Variants in KBTBD11 observed in about 807,000 individuals in gnomAD.
KBTBD11 encodes the protein kelch repeat and BTB domain-containing protein 11.
For synonymous variants in KBTBD11, 747 were observed against 499.0 expected (o/e 1.50, Z -6.63); for missense variants, 1,390 against 1,001.8 (o/e 1.39, Z -5.23).
In KBTBD11 at chr8:2,005,953, C is replaced by T. The variant is rs912193729; in HGVS notation, c.*2889C>T. Reference sequence around the variant, plus strand: ...GCTTGAGCCTTCCTCCTTTTCCTTCCGGTTTTATTCTTCCTCTTGGGAACA... The same window carrying T: ...GCTTGAGCCTTCCTCCTTTTCCTTCTGGTTTTATTCTTCCTCTTGGGAACA... On this transcript the variant is annotated 3_prime_UTR_variant, in exon 2 of 2. Transcript: ENST00000320248. The T allele has an allele frequency of 5.4e-5, 9 of 167,028 alleles. No homozygotes were observed. Among genetic ancestry groups the T allele is most frequent in the South Asian group, 2.1e-4 (1 of 4,832 alleles). 10.3% of individuals were successfully genotyped at this position (167,028 alleles called of 1,614,324 possible).
Position 2,001,756 on chromosome 8 carries a change from C to A in KBTBD11, c.564C>A (p.Leu188=). The A allele has an allele frequency of 7.6e-7, 1 of 1,315,844 alleles. No homozygotes were observed. Among genetic ancestry groups the A allele is most frequent in the East Asian group, 3.2e-5 (1 of 31,034 alleles). The allele number at this position is 1,315,844 out of a possible 1,614,324, so 81.5% of individuals were successfully genotyped here. A position where few individuals can be genotyped will look rare whatever the true frequency, so the allele number is the denominator to read the frequency against. The change falls in exon 2 of 2, where the codon CTC becomes CTA. Residue 188 remains leucine (L), a synonymous_variant. Transcript: ENST00000320248. ...GCCTGACGGCGCTGCGGCTGCTCCT[C>A]GCCGACGCCTACAGCGGGCGCATGG... is the stretch of plus-strand genomic sequence containing the variant. The part of the protein sequence containing the change: ...GVSLTALRLL[L]ADAYSGRMAG...
At chr8:1,994,583 G>T (rs1817061913) in intron 1 of KBTBD11, among the ~76,000 whole-genome samples, 1 of 152,204 alleles carries the variant, frequency 6.6e-6, no homozygotes, top group African/African-American at 2.4e-5. Context: ...TCACATAAAT[G>T]GCTAATCACA....
intron 1 of KBTBD11, among the ~76,000 whole-genome samples, chr8:1,985,341 C>G (rs754245981): frequency 3.8e-4 from 58 of 152,266 alleles, no homozygotes; most frequent in African/African-American, 1.4e-3. Flanking sequence ...GCCTGCCTGA[C>G]CTGGCCGACT....
Position 2,001,987 on chromosome 8 carries a change from G to A in KBTBD11, c.795G>A (p.Glu265=), listed in dbSNP as rs764620932. Residue 265 remains glutamate, a synonymous_variant, in exon 2 of 2, where the codon GAG becomes GAA. Coordinates refer to ENST00000320248, the MANE Select transcript of KBTBD11 (RefSeq NM_014867.3). ...AYCFMSDHYL[E]VLREPAVFGR... ...GCTTCATGAGCGACCACTATCTGGAGGTGCTGCGCGAGCCCGCCGTGTTCG... is the reference window on the plus strand; with the variant it reads ...GCTTCATGAGCGACCACTATCTGGAAGTGCTGCGCGAGCCCGCCGTGTTCG... The A allele has an allele frequency of 6.9e-7, 1 of 1,438,958 alleles. No individual in the cohort carries two copies. Among genetic ancestry groups the A allele is most frequent in the Admixed American group, 2.1e-5 (1 of 46,782 alleles). 89.1% of individuals were successfully genotyped at this position (1,438,958 alleles called of 1,614,324 possible). A position where few individuals can be genotyped will look rare whatever the true frequency, so the allele number is the denominator to read the frequency against.
chr8:1,997,523 C>A (rs1180993191), intron 1 of KBTBD11, among the ~76,000 whole-genome samples: 2 of 152,256 alleles, frequency 1.3e-5, no homozygotes, highest in Non-Finnish European at 2.9e-5. Flanking sequence ...TGCAGGGAGA[C>A]CCGCGGCAGG....
At chr8:1,995,191 G>C (rs1399386268) in intron 1 of KBTBD11, among the ~76,000 whole-genome samples, 1 of 151,902 alleles carries the variant, frequency 6.6e-6, no homozygotes, top group South Asian at 2.1e-4. Context: ...ACTCCACCGT[G>C]CTGTAGACAC....
At position 2,002,908 on chromosome 8, in the gene KBTBD11, C is replaced by T. The variant is rs1817448925; in HGVS notation, c.1716C>T (p.Arg572=). Residue 572 remains arginine, a synonymous_variant, in exon 2 of 2, where the codon CGC becomes CGT. Coordinates refer to ENST00000320248, the MANE Select transcript of KBTBD11 (RefSeq NM_014867.3). This position sits in a 1 kb window ranked among gnomAD's most constrained non-coding sequence, Gnocchi z 4.1. ...IYCVSRAGTW[R]FQPAREGEAG... is the part of the protein sequence containing the mutation. ...GCGTGAGCCGCGCGGGCACCTGGCG[C>T]TTCCAGCCTGCCCGGGAAGGCGAGG... 2.3e-6 allele frequency: 3 copies of T among 1,322,794 alleles called. No individual in the cohort carries two copies. The highest frequency in any genetic ancestry group is 4.1e-5 in the Admixed American group (1 of 24,568). 81.9% of individuals were successfully genotyped at this position (1,322,794 alleles called of 1,614,324 possible). A position where few individuals can be genotyped will look rare whatever the true frequency, so the allele number is the denominator to read the frequency against.
rs962958480 is a variant in KBTBD11, at chr8:2,001,666, G to A, written c.474G>A (p.Leu158=). The change falls in exon 2 of 2, where the codon CTG becomes CTA. Residue 158 remains leucine (L), a synonymous_variant. Coordinates refer to ENST00000320248, the MANE Select transcript of KBTBD11 (RefSeq NM_014867.3). ...GRRLRAHKAV[L]AARSDYFRAR... is the part of the protein sequence containing the mutation. Reference sequence around the variant, plus strand: ...GGCTGCGCGCGCACAAGGCGGTGCTGGCGGCGCGCAGCGACTACTTCCGCG... The same window carrying A: ...GGCTGCGCGCGCACAAGGCGGTGCTAGCGGCGCGCAGCGACTACTTCCGCG... 8.9e-6 allele frequency: 13 copies of A among 1,466,370 alleles called. No individual in the cohort carries two copies. In the African/African-American group the frequency reaches 1.6e-4, roughly 18 times the overall value. 90.8% of individuals were successfully genotyped at this position (1,466,370 alleles called of 1,614,324 possible). A position where few individuals can be genotyped will look rare whatever the true frequency, so the allele number is the denominator to read the frequency against.
intron 1 of KBTBD11, among the ~76,000 whole-genome samples, chr8:1,990,635 G>A (rs79661776): frequency 1.2e-4 from 6 of 49,870 alleles, no homozygotes; most frequent in Admixed American, 2.3e-4. Flanking sequence ...GTCCGGGTAG[G>A]TGCTGCCGGG....
rs560383777 is a variant in KBTBD11 at position 1,987,899 on chromosome 8, C to T, written c.-908-12386C>T. Among the ~76,000 whole-genome samples the T allele has an allele frequency of 8.3e-4, 126 of 152,138 alleles. 1 individual carries two copies. The highest frequency in any genetic ancestry group is 2.1e-3 in the South Asian group (10 of 4,802). On this transcript the variant is annotated intron_variant, in intron 1 of 1. Coordinates refer to ENST00000320248, the MANE Select transcript of KBTBD11 (RefSeq NM_014867.3). ...CCTCCCCCAGCTCCCCAGCCCCCGA[C>T]GGGCCCCGGTGTGTGATGTTCCCCG...
chr8:1,993,443 AT>A, intron 1 of KBTBD11, among the ~76,000 whole-genome samples: 1 of 148,526 alleles, frequency 6.7e-6, no homozygotes, highest in East Asian at 2.0e-4. Context: ...CCATCCATCC[AT>A]CTATCCATCC....
intron 1 of KBTBD11, chr8:1,974,667 T>C (rs1057392178): frequency 2.0e-6 from 2 of 984,988 alleles, no homozygotes; most frequent in Non-Finnish European, 2.4e-6. Flanking sequence ...CCCCGCCCCA[T>C]GTGCTGGGGA....
At chr8:1,992,712 T>A (rs182391266) in intron 1 of KBTBD11, among the ~76,000 whole-genome samples, 1 of 152,238 alleles carries the variant, frequency 6.6e-6, no homozygotes, top group Non-Finnish European at 1.5e-5. Context: ...CCACAAGTTG[T>A]TTTGATTATA....
At chr8:1,992,053 C>T (rs2129313171) in intron 1 of KBTBD11, among the ~76,000 whole-genome samples, 2 of 152,210 alleles carry the variant, frequency 1.3e-5, no homozygotes, top group Middle Eastern at 6.8e-3. Context: ...TCAAACCCAC[C>T]CTCCCTCTTC....
chr8:2,001,348 G>T lies in KBTBD11; in HGVS notation c.156G>T (p.Gln52His). 1 of 1,498,822 alleles carries T rather than the reference G, an allele frequency of 6.7e-7. No homozygotes were observed. The highest frequency in any genetic ancestry group is 2.1e-5 in the Admixed American group (1 of 47,840). 92.8% of individuals were successfully genotyped at this position (1,498,822 alleles called of 1,614,324 possible). A position where few individuals can be genotyped will look rare whatever the true frequency, so the allele number is the denominator to read the frequency against. The change falls in exon 2 of 2, where the codon CAG becomes CAT. Residue 52 changes from glutamine to histidine, a missense_variant. Gln to His is a conservative substitution (Grantham distance 24). Coordinates refer to ENST00000320248, the MANE Select transcript of KBTBD11 (RefSeq NM_014867.3). The stretch of plus-strand genomic sequence containing the variant: ...GCTCCGGGGAAGAGTCCCCGCCGCA[G>T]TCCCTCGCCTCAGCGGCGGAAGGCG... ...CFSSGEESPPQSLASAAEGAA... is the reference protein window; with the variant it reads ...CFSSGEESPPHSLASAAEGAA...
intron 1 of KBTBD11, among the ~76,000 whole-genome samples, chr8:1,996,877 G>A (rs866974129): frequency 3.3e-5 from 5 of 152,104 alleles, no homozygotes; most frequent in East Asian, 1.9e-4. Flanking sequence ...TACATCTTCT[G>A]GGGGAAAATG....
chr8:2,002,485 C>T lies in KBTBD11; in HGVS notation c.1293C>T (p.Arg431=), dbSNP rs758446410. ...CLLSVERYDP[R]ADRWAPVAPL... is the part of the protein sequence containing the mutation. ...TCAGCGTGGAGCGCTACGACCCGCG[C>T]GCCGACCGCTGGGCCCCCGTGGCGC... The change falls in exon 2 of 2, where the codon CGC becomes CGT. Residue 431 remains arginine (R), a synonymous_variant. Transcript: ENST00000320248. The surrounding 1 kb of genome is among the most constrained non-coding windows in gnomAD (Gnocchi z 4.1). The T allele has an allele frequency of 1.1e-5, 16 of 1,507,832 alleles. No homozygotes were observed. The Admixed American group carries it at 1.3e-4, about 12-fold the overall frequency. 93.4% of individuals were successfully genotyped at this position (1,507,832 alleles called of 1,614,324 possible).
chr8:1,992,998 C>A (rs1181528253), intron 1 of KBTBD11, among the ~76,000 whole-genome samples: 1 of 152,084 alleles, frequency 6.6e-6, no homozygotes, highest in Non-Finnish European at 1.5e-5. Context: ...AATGTAGTGG[C>A]ATGATCTTGA....
chr8:1,977,285 A>G (rs1429918740), intron 1 of KBTBD11, among the ~76,000 whole-genome samples: 1 of 152,214 alleles, frequency 6.6e-6, no homozygotes, highest in Non-Finnish European at 1.5e-5. Flanking sequence ...AGGAAGATGC[A>G]CATAGAATGT....
Sources: allele counts gnomAD v4.1 joint callset (sites outside exome capture counted in the v4.1 genomes callset), GRCh38; gene constraint gnomAD v4.1.1; non-coding constraint Gnocchi (gnomAD v3.1); transcripts MANE v1.5; gene names NCBI Gene and HGNC (gene_info 2026-07-23, HGNC 2026-07-21).